Variants in VTI1A observed in about 807,000 individuals in gnomAD.
The protein encoded by VTI1A is vesicle transport through interaction with t-SNAREs homolog 1A.
Under a neutral mutation model 34.9 loss-of-function variants are expected in VTI1A, and 22 were observed. The observed-to-expected ratio is 0.63, with a 90% CI of 0.45 to 0.90. The LOEUF is 0.90. Among genes scored for constraint, VTI1A ranks in the 40% least tolerant of loss-of-function variants. The probability of loss-of-function intolerance (pLI) is 0.00; values close to 1 mark genes in which losing one functional copy is unlikely to be tolerated. For missense variants in VTI1A, 268 were observed against 275.6 expected, an observed-to-expected ratio of 0.97 and a Z score of 0.20; for synonymous variants, 87 against 97.3, an observed-to-expected ratio of 0.89 and a Z score of 0.62.
At chr10:112,822,906 TAAGAA>T (rs762446503), downstream of VTI1A, among the ~76,000 whole-genome samples, 21 of 152,246 alleles carry the variant, frequency 1.4e-4, no homozygotes, top group Non-Finnish European at 2.9e-4. Context: ...AGAAGATAGA[TAAGAA>T]AAGAAAGAAG....
intron 5 of VTI1A, among the ~76,000 whole-genome samples, chr10:112,614,927 C>T (rs1845460186): frequency 6.6e-6 from 1 of 151,830 alleles, no homozygotes; most frequent in East Asian, 1.9e-4. Flanking sequence ...TTTTCATAAG[C>T]ACACCACCAG....
At chr10:112,843,437 C>T in the VTI1A span, among the ~76,000 whole-genome samples, 3 of 152,120 alleles carry the variant, frequency 2.0e-5, no homozygotes, top group African/African-American at 4.8e-5. Context: ...AAAGGTGGTA[C>T]GACTGATTAG....
At chr10:112,531,482 G>GA (rs11284977) in intron 4 of VTI1A, among the ~76,000 whole-genome samples, 2 of 140,114 alleles carry the variant, frequency 1.4e-5, no homozygotes, top group South Asian at 2.2e-4. Flanking sequence ...CCTAAGCAAA[G>GA]AAAAAAAAAA....
chr10:112,602,501 G>A (rs1460354424), intron 5 of VTI1A, among the ~76,000 whole-genome samples: 2 of 152,208 alleles, frequency 1.3e-5, no homozygotes, highest in African/African-American at 4.8e-5. Context: ...GTTTTGAAAT[G>A]TTTATCTAAA....
At chr10:112,723,545 C>T (rs1849891554) in intron 7 of VTI1A, among the ~76,000 whole-genome samples, 1 of 152,180 alleles carries the variant, frequency 6.6e-6, no homozygotes, top group South Asian at 2.1e-4. Context: ...AAGGCATGTA[C>T]TGCATGCGGC....
intron 3 of VTI1A, among the ~76,000 whole-genome samples, chr10:112,468,818 ACACTCAGATT>A (rs1847987264): frequency 6.6e-6 from 1 of 152,164 alleles, no homozygotes; most frequent in Admixed American, 6.5e-5. Flanking sequence ...TCTTTTAAAC[ACACTCAGATT>A]CAACAAGTAC....
chr10:112,614,017 G>A (rs1407547099), intron 5 of VTI1A, among the ~76,000 whole-genome samples: 2 of 152,176 alleles, frequency 1.3e-5, no homozygotes, highest in East Asian at 3.9e-4. Flanking sequence ...GTTTCATATG[G>A]TGAAAATATG....
At chr10:112,535,543 C>T (rs77552950) in intron 4 of VTI1A, among the ~76,000 whole-genome samples, 1 of 152,112 alleles carries the variant, frequency 6.6e-6, no homozygotes, top group Admixed American at 6.5e-5. Context: ...GGAAAGGGAG[C>T]ATGCTTGGAG....
intron 7 of VTI1A, among the ~76,000 whole-genome samples, chr10:112,753,433 A>G (rs1461777587): frequency 6.6e-6 from 1 of 152,104 alleles, no homozygotes; most frequent in Non-Finnish European, 1.5e-5. Context: ...AAGTATGCAA[A>G]TCCTAGAAAG....
At chr10:112,800,867 C>T (rs764614523) in intron 7 of VTI1A, among the ~76,000 whole-genome samples, 6 of 152,174 alleles carry the variant, frequency 3.9e-5, no homozygotes, top group Non-Finnish European at 7.3e-5. Flanking sequence ...CACACTAAAA[C>T]AGTCAAGAGG....
intron 7 of VTI1A, among the ~76,000 whole-genome samples, 147 bp from the exon 8 acceptor site, chr10:112,815,137 GCGCACA>G (rs1306431334): frequency 0.013 from 977 of 77,518 alleles, 3 homozygotes; most frequent in Non-Finnish European, 0.019. Flanking sequence ...TCTTTCGCGC[GCGCACA>G]CACACACACA....
intron 3 of VTI1A, among the ~76,000 whole-genome samples, chr10:112,525,410 G>C (rs1850188447): frequency 1.3e-5 from 2 of 152,052 alleles, no homozygotes; most frequent in Admixed American, 6.6e-5. Flanking sequence ...CCTTTTTCCT[G>C]AGTCACTCTA....
chr10:112,711,534 G>A (rs905617929), intron 7 of VTI1A, among the ~76,000 whole-genome samples: 8 of 152,104 alleles, frequency 5.3e-5, no homozygotes, highest in African/African-American at 1.2e-4. Context: ...CGCTGTCCCC[G>A]GGCCTGGTGA....
At chr10:112,451,272 A>G (rs774182620) in intron 1 of VTI1A, among the ~76,000 whole-genome samples, 14 of 152,164 alleles carry the variant, frequency 9.2e-5, no homozygotes, top group Non-Finnish European at 1.8e-4. Flanking sequence ...ATAATGTAAA[A>G]ATCAGTGAAA....
intron 5 of VTI1A, among the ~76,000 whole-genome samples, chr10:112,654,065 C>T (rs901134106): frequency 1.3e-5 from 2 of 152,248 alleles, no homozygotes; most frequent in East Asian, 3.9e-4. Flanking sequence ...TTTAGAAACT[C>T]CCGATGTCAT....
the VTI1A span, among the ~76,000 whole-genome samples, chr10:112,833,199 A>G: frequency 1.3e-5 from 2 of 151,934 alleles, no homozygotes; most frequent in East Asian, 3.9e-4. Flanking sequence ...TCTTCCTCTC[A>G]GCATCTCCTG....
At chr10:112,801,212 A>T (rs1182847532) in intron 7 of VTI1A, among the ~76,000 whole-genome samples, 1 of 152,036 alleles carries the variant, frequency 6.6e-6, no homozygotes, top group African/African-American at 2.4e-5. Context: ...GGGGTTGGGG[A>T]GGGGTCATCC....
At chr10:112,541,879 G>A (rs543554742) in intron 5 of VTI1A, among the ~76,000 whole-genome samples, 49 of 152,286 alleles carry the variant, frequency 3.2e-4, no homozygotes, top group African/African-American at 1.1e-3. Flanking sequence ...GAATATTGAT[G>A]AAGCTACAAG....
chr10:112,573,667 C>G (rs1264301892), intron 5 of VTI1A, among the ~76,000 whole-genome samples: 2 of 152,298 alleles, frequency 1.3e-5, no homozygotes, highest in Non-Finnish European at 1.5e-5. Context: ...CTCACACTTC[C>G]TCCTATTTCT....
Sources: allele counts gnomAD v4.1 joint callset (sites outside exome capture counted in the v4.1 genomes callset), GRCh38; gene constraint gnomAD v4.1.1; transcripts MANE v1.5; gene names NCBI Gene and HGNC (gene_info 2026-07-23, HGNC 2026-07-21).